ACTN4: variants seen among roughly 807,000 people sequenced by gnomAD.
ACTN4 encodes the protein alpha-actinin-4.
In ACTN4, 18 loss-of-function variants were observed where a neutral mutation model predicts 114.2. That is an observed-to-expected ratio of 0.16 (90% CI 0.11 to 0.23). The LOEUF (loss-of-function observed/expected upper bound fraction) is 0.23. ACTN4 is among the 10% of genes least tolerant of loss of function. The pLI, the probability that ACTN4 is intolerant of heterozygous loss-of-function variation, is 1.00. For missense variants in ACTN4, 722 were observed against 1,262.9 expected (o/e 0.57, Z 6.49); for synonymous variants, 515 against 506.3 (o/e 1.02, Z -0.23).
At chr19:38,708,216 T>A in intron 6 of ACTN4, 21 bp downstream of exon 6, 2 of 1,613,484 alleles carry the variant, frequency 1.2e-6, no homozygotes, top group East Asian at 4.5e-5. Context: ...CCAGCTCCCC[T>A]TGATGGCCCA....
chr19:38,696,960 G>A (rs1568714768), intron 1 of ACTN4, among the ~76,000 whole-genome samples: 3 of 152,236 alleles, frequency 2.0e-5, no homozygotes, highest in Non-Finnish European at 4.4e-5. Flanking sequence ...ACACAGCACG[G>A]AGTGATTGAC....
chr19:38,676,072 A>T (rs910149592), intron 1 of ACTN4, among the ~76,000 whole-genome samples: 4 of 152,180 alleles, frequency 2.6e-5, no homozygotes, highest in Middle Eastern at 3.2e-3. Context: ...ATGCAGCGGG[A>T]TGGAGCCTTT....
chr19:38,687,176 C>G (rs1286277033), intron 1 of ACTN4, among the ~76,000 whole-genome samples: 1 of 151,970 alleles, frequency 6.6e-6, no homozygotes, highest in Non-Finnish European at 1.5e-5. Flanking sequence ...ACTAATAGTT[C>G]AAGACGGCTG....
At chr19:38,691,937 C>T (rs932135477) in intron 1 of ACTN4, among the ~76,000 whole-genome samples, 11 of 152,052 alleles carry the variant, frequency 7.2e-5, no homozygotes, top group Admixed American at 7.2e-4. Context: ...TCCTTTGCAG[C>T]AGCAACACGC....
At chr19:38,706,179 A>G in intron 5 of ACTN4, 48 bp downstream of exon 5, 13 of 1,574,576 alleles carry the variant, frequency 8.3e-6, no homozygotes, top group Non-Finnish European at 9.6e-6. Context: ...GGAACCTGAG[A>G]TCCTTCCTCC....
chr19:38,693,316 A>G (rs2144965278), intron 1 of ACTN4, among the ~76,000 whole-genome samples: 1 of 152,202 alleles, frequency 6.6e-6, no homozygotes, highest in East Asian at 1.9e-4. Context: ...GCCCAAAGCG[A>G]CTTTGCAAGA....
intron 1 of ACTN4, among the ~76,000 whole-genome samples, chr19:38,676,112 C>T (rs1967367434): frequency 6.6e-6 from 1 of 151,950 alleles, no homozygotes; most frequent in African/African-American, 2.4e-5. Context: ...GATCTGGAGT[C>T]CCATATGGGA....
chr19:38,672,773 A>G (rs1207915064), intron 1 of ACTN4, among the ~76,000 whole-genome samples: 5 of 151,340 alleles, frequency 3.3e-5, no homozygotes, highest in African/African-American at 1.2e-4. Context: ...GGGTTTCTCC[A>G]TGTTGGTCAG....
chr19:38,711,973 T>C (rs945965982), intron 8 of ACTN4, among the ~76,000 whole-genome samples: 2 of 151,976 alleles, frequency 1.3e-5, no homozygotes, highest in African/African-American at 4.8e-5. Context: ...CAAGCACTGC[T>C]CCCCCCGCTT....
chr19:38,724,403 C>CGCT lies in ACTN4; in HGVS notation c.1876-27_1876-25dup, dbSNP rs903977967. On this transcript the variant is annotated intron_variant, in intron 15 of 20. Transcript: ENST00000252699. The surrounding 1 kb of genome is among the most constrained non-coding windows in gnomAD (Gnocchi z 7.0). Reference sequence around the variant, plus strand: ...CGGGGCTGGGGGCCACCTCCCTGACCGCTCCCACACCGCGTCTCCTCTGCC... The same window carrying CGCT: ...CGGGGCTGGGGGCCACCTCCCTGACCGCTGCTCCCACACCGCGTCTCCTCTGCC... 1 of 1,612,034 alleles carries CGCT rather than the reference C, an allele frequency of 6.2e-7. No homozygotes were observed. The highest frequency in any genetic ancestry group is 1.7e-5 in the Admixed American group (1 of 59,874).
chr19:38,718,600 G>A, intron 11 of ACTN4, among the ~76,000 whole-genome samples: 1 of 152,082 alleles, frequency 6.6e-6, no homozygotes, highest in East Asian at 1.9e-4. Context: ...ACCATTCAGG[G>A]GCCAGGTCCT....
chr19:38,727,714 G>A lies in ACTN4; in HGVS notation c.2338-232G>A, dbSNP rs1033775918. On this transcript the variant is annotated intron_variant, in intron 18 of 20. Transcript: ENST00000252699. This position sits in a 1 kb window ranked among gnomAD's most constrained non-coding sequence, Gnocchi z 5.4. ...CACCCCTGCTGTGGGCAGAGAGGTCGGGGAGGCCTCTGCCTTCCTTTGAGC... is the reference window on the plus strand; with the variant it reads ...CACCCCTGCTGTGGGCAGAGAGGTCAGGGAGGCCTCTGCCTTCCTTTGAGC... The A allele has an allele frequency of 8.6e-6, 5 of 581,314 alleles. No homozygotes were observed. The highest frequency in any genetic ancestry group is 3.0e-5 in the Admixed American group (1 of 33,832). The allele number at this position is 581,314 out of a possible 1,614,324, so 36.0% of individuals were successfully genotyped here.
In ACTN4 at chr19:38,730,457, ATTT is replaced by A. The variant is rs377467940; in HGVS notation, c.*1031_*1033del. 232 of 208,266 alleles carry A rather than the reference ATTT, an allele frequency of 1.1e-3. No homozygotes were observed. Among genetic ancestry groups the A allele is most frequent in the African/African-American group, 5.1e-3 (217 of 42,370 alleles). The allele number at this position is 208,266 out of a possible 1,614,324, so 12.9% of individuals were successfully genotyped here. On this transcript the variant is annotated 3_prime_UTR_variant, in exon 21 of 21. Transcript: ENST00000252699. ...TTTTTTTTTGAGTTTATTCTGATTG[ATTT>A]TTTTTCTTGGTTTCTGGATAAACCA...
intron 1 of ACTN4, among the ~76,000 whole-genome samples, chr19:38,652,801 T>A (rs1427905087): frequency 2.6e-5 from 4 of 152,044 alleles, no homozygotes; most frequent in Admixed American, 2.0e-4. Context: ...AATGTGGTCT[T>A]ATGGCCGGGC....
intron 1 of ACTN4, among the ~76,000 whole-genome samples, chr19:38,661,805 A>G (rs1329049506): frequency 6.6e-6 from 1 of 152,142 alleles, no homozygotes; most frequent in Non-Finnish European, 1.5e-5. Context: ...GGCGCCCGCC[A>G]CCATGCCCGG....
Position 38,730,748 on chromosome 19 carries a change from C to A in ACTN4, c.*1316C>A. On this transcript the variant is annotated 3_prime_UTR_variant, in exon 21 of 21. Transcript: ENST00000252699. ...GTGAGGGCCAGAGACTAGCCCCAGA[C>A]AGGTGGATGCCAGAGAGAGTGGCAC... 7.1e-7 allele frequency: 1 copy of A among 1,410,776 alleles called. No individual in the cohort carries two copies. The allele number at this position is 1,410,776 out of a possible 1,614,324, so 87.4% of individuals were successfully genotyped here.
intron 1 of ACTN4, among the ~76,000 whole-genome samples, chr19:38,664,628 T>C (rs756686022): frequency 3.9e-5 from 6 of 152,142 alleles, no homozygotes; most frequent in Non-Finnish European, 5.9e-5. Flanking sequence ...GTGGTGAGTG[T>C]TGCTGGATTG....
At chr19:38,713,352 G>C (rs537627085) in intron 8 of ACTN4, among the ~76,000 whole-genome samples, 1 of 152,342 alleles carries the variant, frequency 6.6e-6, no homozygotes, top group East Asian at 1.9e-4. Flanking sequence ...GAGAGGACTT[G>C]AGTTTCGGGT....
At chr19:38,718,189 A>G in intron 11 of ACTN4, 115 bp downstream of exon 11, 2 of 1,518,406 alleles carry the variant, frequency 1.3e-6, no homozygotes, top group Non-Finnish European at 8.9e-7. Flanking sequence ...TCTGTTTCTC[A>G]GGTGCCCTTT....
Sources: allele counts gnomAD v4.1 joint callset (sites outside exome capture counted in the v4.1 genomes callset), GRCh38; gene constraint gnomAD v4.1.1; non-coding constraint Gnocchi (gnomAD v3.1); transcripts MANE v1.5; gene names NCBI Gene and HGNC (gene_info 2026-07-23, HGNC 2026-07-21).